Variants in NTM observed in about 807,000 individuals in gnomAD.
NTM encodes neurotrimin.
In NTM, 13 loss-of-function variants were observed where a neutral mutation model predicts 42.1. The ratio of observed to expected loss-of-function variants is 0.31; its 90% CI spans 0.20 to 0.49. NTM has a LOEUF of 0.49. NTM is among the 20% of genes least tolerant of loss of function. The pLI is 0.99. For synonymous variants in NTM, 187 were observed against 179.2 expected, an observed-to-expected ratio of 1.04 and a Z score of -0.35; for missense variants, 373 against 452.8, an observed-to-expected ratio of 0.82 and a Z score of 1.60.
At chr11:131,585,542 T>G (rs561746714) in intron 1 of NTM, among the ~76,000 whole-genome samples, 1 of 152,316 alleles carries the variant, frequency 6.6e-6, no homozygotes, top group Admixed American at 6.5e-5. Context: ...TGTGACCACC[T>G]AGCAAGCACA....
intron 3 of NTM, among the ~76,000 whole-genome samples, chr11:132,152,996 G>A (rs532991559): frequency 5.5e-4 from 84 of 152,318 alleles, no homozygotes; most frequent in African/African-American, 2.0e-3. Context: ...CCCACTCATA[G>A]AGAATGGAGC....
intron 4 of NTM, among the ~76,000 whole-genome samples, chr11:132,268,666 C>CTATG (rs755450370): frequency 4.5e-5 from 4 of 87,972 alleles, no homozygotes; most frequent in Non-Finnish European, 7.9e-5. Flanking sequence ...TCCTCTCTCT[C>CTATG]TCTCTGTGTG....
rs151270861 is a variant in NTM at position 131,405,023 on chromosome 11, T to A, written c.82+34135T>A. ...CCCCTGCAAAACAACAATTAAGGGC[T>A]TTATGGGACCAAAGACAGAAAGAAC... On this transcript the variant is annotated intron_variant, in intron 1 of 8. Coordinates refer to ENST00000683400, the MANE Select transcript of NTM (RefSeq NM_001352005.2). Among the ~76,000 whole-genome samples the A allele has an allele frequency of 1.8e-4, 27 of 152,288 alleles. No individual in the cohort carries two copies. In the East Asian group the frequency reaches 4.8e-3, roughly 27 times the overall value.
At chr11:132,055,499 C>A (rs1317314846) in intron 2 of NTM, among the ~76,000 whole-genome samples, 2 of 152,132 alleles carry the variant, frequency 1.3e-5, no homozygotes, top group Non-Finnish European at 2.9e-5. Context: ...AGCTTTTTGG[C>A]ACATTAACCC....
intron 3 of NTM, among the ~76,000 whole-genome samples, chr11:132,208,314 G>C (rs766718072): frequency 6.6e-6 from 1 of 152,152 alleles, no homozygotes; most frequent in African/African-American, 2.4e-5. Flanking sequence ...AGCATCTTAG[G>C]CATATGCCAA....
chr11:132,236,321 C>A (rs1360730482), intron 4 of NTM, among the ~76,000 whole-genome samples: 1 of 152,066 alleles, frequency 6.6e-6, no homozygotes, highest in African/African-American at 2.4e-5. Flanking sequence ...ACTTTTGTGG[C>A]AATTTTTTAG....
intron 1 of NTM, among the ~76,000 whole-genome samples, chr11:131,719,493 T>C (rs912774332): frequency 1.5e-4 from 23 of 152,212 alleles, no homozygotes; most frequent in African/African-American, 5.3e-4. Context: ...AGGAGGTGCT[T>C]GTAACAAAAG....
At chr11:132,329,115 CT>C (rs1224447934) in intron 7 of NTM, among the ~76,000 whole-genome samples, 6 of 152,166 alleles carry the variant, frequency 3.9e-5, no homozygotes, top group Admixed American at 2.6e-4. Context: ...ATTCATCTGA[CT>C]TTGAGCAAAT....
At chr11:131,685,250 C>CT (rs749478579) in intron 1 of NTM, among the ~76,000 whole-genome samples, 9 of 152,192 alleles carry the variant, frequency 5.9e-5, no homozygotes, top group Non-Finnish European at 1.2e-4. Flanking sequence ...CCAGTCAGTC[C>CT]TTCCTGATGC....
intron 2 of NTM, among the ~76,000 whole-genome samples, chr11:132,138,685 C>T (rs947550371): frequency 6.6e-6 from 1 of 151,864 alleles, no homozygotes; most frequent in Non-Finnish European, 1.5e-5. Context: ...CAGTCTCAGT[C>T]CAAAGGCCTG....
chr11:131,670,446 T>C lies in NTM; in HGVS notation c.83-241118T>C, dbSNP rs11222734. ...TTATTTATTTTTGCTAAGGAATACA[T>C]GTCTGCATTCATGTAGTATTCTGTG... is the stretch of plus-strand genomic sequence containing the variant. On this transcript the variant is annotated intron_variant, in intron 1 of 8. Transcript: ENST00000683400. 3.7e-4 allele frequency among the ~76,000 whole-genome samples: 57 copies of C among 152,278 alleles called. 1 individual carries two copies. The East Asian group carries it at 0.011, about 29-fold the overall frequency.
intron 4 of NTM, among the ~76,000 whole-genome samples, chr11:132,226,386 T>C (rs2086288386): frequency 6.6e-6 from 1 of 152,244 alleles, no homozygotes; most frequent in Non-Finnish European, 1.5e-5. Context: ...TTCCTGACTT[T>C]TTAATGATTG....
chr11:131,543,045 C>T (rs1174636801), intron 1 of NTM, among the ~76,000 whole-genome samples: 1 of 152,196 alleles, frequency 6.6e-6, no homozygotes, highest in Admixed American at 6.5e-5. Context: ...AGTTACGCTG[C>T]CTCCCAGGGA....
chr11:132,314,725 G>A (rs2095376277), intron 7 of NTM, 22 bp downstream of exon 7: 18 of 1,601,452 alleles, frequency 1.1e-5, no homozygotes, highest in Non-Finnish European at 1.5e-5. Flanking sequence ...CTCTGAGCTG[G>A]GCAAGAAGAG....
intron 7 of NTM, among the ~76,000 whole-genome samples, chr11:132,322,750 C>G (rs1270249070): frequency 2.1e-5 from 3 of 143,116 alleles, no homozygotes; most frequent in Non-Finnish European, 4.6e-5. Flanking sequence ...CACACCACAC[C>G]TATTCCAAAA....
rs556514533 is a variant in NTM at position 132,165,209 on chromosome 11, C to T, written c.400+18695C>T. On this transcript the variant is annotated intron_variant, in intron 3 of 8. Transcript: ENST00000683400. ...ATTCAAAATTAAACAAATCATCTTG[C>T]CCCACCTCCCTTACCACCCCAAATT... is the stretch of plus-strand genomic sequence containing the variant. Among the ~76,000 whole-genome samples the T allele has an allele frequency of 1.9e-4, 29 of 152,276 alleles. No homozygotes were observed. In the South Asian group the frequency reaches 5.8e-3, roughly 30 times the overall value.
At chr11:131,475,349 A>G (rs1952818424) in intron 1 of NTM, among the ~76,000 whole-genome samples, 2 of 151,686 alleles carry the variant, frequency 1.3e-5, no homozygotes, top group Admixed American at 1.3e-4. Context: ...GTTCTTGGAG[A>G]GGTTTCTATA....
At chr11:131,779,116 G>A (rs990505889) in intron 1 of NTM, among the ~76,000 whole-genome samples, 1 of 152,176 alleles carries the variant, frequency 6.6e-6, no homozygotes. Context: ...AACTGGGAGT[G>A]GCCCCAGCTG....
At chr11:131,733,663 G>C (rs1263533421) in intron 1 of NTM, among the ~76,000 whole-genome samples, 1 of 152,080 alleles carries the variant, frequency 6.6e-6, no homozygotes, top group Non-Finnish European at 1.5e-5. Flanking sequence ...AGCCTCCCAA[G>C]TGGCTGGGAT....
Sources: gnomAD v4.1 joint callset for allele counts (sites outside exome capture counted in the v4.1 genomes callset) on GRCh38, gnomAD v4.1.1 for gene constraint, MANE v1.5 for transcripts, NCBI Gene and HGNC (gene_info 2026-07-23, HGNC 2026-07-21) for gene names.